The following ADGRV1 variants were observed in gnomAD, a reference collection of about 807,000 sequenced individuals.
The protein encoded by ADGRV1 is G-protein coupled receptor 98.
A neutral mutation model predicts 596.2 loss-of-function variants in ADGRV1; 359 were observed. The observed-to-expected ratio is 0.60, with a 90% CI of 0.55 to 0.66. The LOEUF is 0.66. Ranked by LOEUF, ADGRV1 falls within the 30% of genes least tolerant of loss-of-function variation. The pLI is 0.00. For missense variants in ADGRV1, 7,274 were observed against 7,575.6 expected (o/e 0.96, Z 1.48); for synonymous variants, 2,681 against 2,679.2 (o/e 1.00, Z -0.02).
intron 85 of ADGRV1, among the ~76,000 whole-genome samples, chr5:91,035,869 A>ATATATATATAATATATATAATATATATAT (rs1784863785): frequency 6.6e-5 from 8 of 120,508 alleles, no homozygotes; most frequent in African/African-American, 1.8e-4. Flanking sequence ...TATTATATAT[A>ATATATATATAATATATATAATATATATAT]TATATATATA....
chr5:91,035,260 C>T (rs1048128967), intron 85 of ADGRV1, among the ~76,000 whole-genome samples: 9 of 152,182 alleles, frequency 5.9e-5, no homozygotes, highest in African/African-American at 2.2e-4. Flanking sequence ...ATTTTCCTCA[C>T]TTTCTGTTGA....
intron 39 of ADGRV1, among the ~76,000 whole-genome samples, chr5:90,710,224 G>GT (rs1374067427): frequency 2.0e-5 from 3 of 152,050 alleles, no homozygotes; most frequent in Admixed American, 1.3e-4. Context: ...AATTTAAAAG[G>GT]TAAAGAACAA....
At chr5:90,988,728 C>T (rs1309797181) in intron 85 of ADGRV1, among the ~76,000 whole-genome samples, 2 of 151,286 alleles carry the variant, frequency 1.3e-5, no homozygotes, top group East Asian at 2.0e-4. Context: ...GCCATGTTGG[C>T]GTGCTGCACC....
At position 90,855,839 on chromosome 5, in the gene ADGRV1, G is replaced by A. The variant is rs745349202; in HGVS notation, c.17693G>A (p.Arg5898Gln). The change falls in exon 82 of 90, where the codon CGG (arginine) becomes CAG (glutamine). Residue 5898 changes from arginine to glutamine, a missense_variant. By Grantham distance (43) the Arg-to-Gln change is conservative. Around this residue, in one of 5 missense-constraint regions of ADGRV1, gnomAD observed 1,874 missense variants for 1,970.2 expected, o/e 0.95. Transcript: ENST00000405460. ...SHMSVYAVYA[R>Q]TDNLSSYNEA... is the part of the protein sequence containing the mutation. Reference sequence around the variant, plus strand: ...ATGTCTGTGTATGCTGTCTATGCTCGGACTGACAACTTGTCTTCATACAAT... The same window carrying A: ...ATGTCTGTGTATGCTGTCTATGCTCAGACTGACAACTTGTCTTCATACAAT... 11 of 1,612,966 alleles carry A rather than the reference G, an allele frequency of 6.8e-6. No homozygotes were observed. Among genetic ancestry groups the A allele is most frequent in the South Asian group, 4.4e-5 (4 of 90,988 alleles).
chr5:90,773,261 A>C (rs1757884035), intron 59 of ADGRV1, among the ~76,000 whole-genome samples: 1 of 152,088 alleles, frequency 6.6e-6, no homozygotes, highest in African/African-American at 2.4e-5. Flanking sequence ...GACACAGTGC[A>C]TTTTAGAGTG....
intron 85 of ADGRV1, among the ~76,000 whole-genome samples, chr5:91,004,094 C>T (rs1386807399): frequency 1.3e-5 from 2 of 152,022 alleles, no homozygotes; most frequent in Non-Finnish European, 2.9e-5. Context: ...AGCTTAAGTC[C>T]TATTTTGCTT....
At chr5:91,081,611 C>A (rs1289884271) in intron 86 of ADGRV1, among the ~76,000 whole-genome samples, 1 of 151,986 alleles carries the variant, frequency 6.6e-6, no homozygotes, top group African/African-American at 2.4e-5. Flanking sequence ...TAGTGTGAAA[C>A]CCCGTCTCTA....
chr5:90,925,508 T>G (rs1774341920), intron 83 of ADGRV1, among the ~76,000 whole-genome samples: 1 of 152,220 alleles, frequency 6.6e-6, no homozygotes, highest in South Asian at 2.1e-4. Context: ...CTGAAGTTGC[T>G]TATCAGCTTA....
At chr5:90,975,687 A>G (rs1779503743) in intron 84 of ADGRV1, among the ~76,000 whole-genome samples, 1 of 152,092 alleles carries the variant, frequency 6.6e-6, no homozygotes, top group Admixed American at 6.5e-5. Context: ...GGAACATCAC[A>G]CACCGGGGCC....
chr5:90,721,689 A>G (rs983889206), intron 45 of ADGRV1, among the ~76,000 whole-genome samples: 16 of 152,194 alleles, frequency 1.1e-4, no homozygotes, highest in African/African-American at 3.6e-4. Context: ...GTAAAAATCA[A>G]TGTATACTTT....
In ADGRV1 at chr5:90,805,448, C is replaced by A; in HGVS notation, c.14826C>A (p.Thr4942=). 6.3e-7 allele frequency: 1 copy of A among 1,582,628 alleles called. No individual in the cohort carries two copies. The stretch of plus-strand genomic sequence containing the variant: ...AATTCATTGTTGTTGGCAACATGAC[C>A]CCAACACTGGGTGAGTTGTAGTTTT... ...IPEFIVVGNM[T]PTLGSLSFSH... Residue 4942 remains threonine (T), a synonymous_variant, in exon 72 of 90, where the codon ACC becomes ACA. Transcript: ENST00000405460.
chr5:90,962,579 G>A (rs61130831), intron 83 of ADGRV1, among the ~76,000 whole-genome samples: 35,597 of 152,014 alleles, frequency 0.23, 6,865 homozygotes, highest in African/African-American at 0.51. Flanking sequence ...TTTTATTTCT[G>A]TCTTAAATTA....
At chr5:90,860,046 A>G (rs924321197) in intron 82 of ADGRV1, among the ~76,000 whole-genome samples, 2 of 151,908 alleles carry the variant, frequency 1.3e-5, no homozygotes, top group Non-Finnish European at 2.9e-5. Context: ...AGCTATGACC[A>G]TGCCATTGCA....
chr5:90,931,332 AG>A, intron 83 of ADGRV1: 1 of 152,342 alleles, frequency 6.6e-6, no homozygotes, highest in South Asian at 2.1e-4. Context: ...TTTAGGGCAA[AG>A]GGGTGATGTG....
chr5:90,645,784 A>G (rs1220371344), intron 15 of ADGRV1, among the ~76,000 whole-genome samples, 184 bp from the exon 16 acceptor site: 1 of 152,142 alleles, frequency 6.6e-6, no homozygotes, highest in Non-Finnish European at 1.5e-5. Flanking sequence ...AATGCACATG[A>G]AACTAATTTT....
rs5869522 is a variant in ADGRV1, at chr5:90,813,132, C to CAAAAA, written c.16078+1822_16078+1826dup. On this transcript the variant is annotated intron_variant, in intron 74 of 89. Transcript: ENST00000405460. ...TGGGCGACAGAGTAAGACTCCGTCT[C>CAAAAA]AAAAAAAAAAAAAAAAAAAAAAAAA... Among the ~76,000 whole-genome samples the CAAAAA allele has an allele frequency of 2.6e-3, 91 of 34,922 alleles. 11 individuals carry two copies. The highest frequency in any genetic ancestry group is 5.5e-3 in the African/African-American group (66 of 12,002). 22.9% of individuals were successfully genotyped at this position (34,922 alleles called of 152,430 possible).
chr5:90,627,773 C>T lies in ADGRV1; in HGVS notation c.1235C>T (p.Ser412Leu), dbSNP rs1466986050. 1 of 1,480,590 alleles carries T rather than the reference C, an allele frequency of 6.8e-7. No individual in the cohort carries two copies. The highest frequency in any genetic ancestry group is 2.3e-5 in the East Asian group (1 of 43,666). The allele number at this position is 1,480,590 out of a possible 1,614,324, so 91.7% of individuals were successfully genotyped here. The change falls in exon 7 of 90, where the codon TCA (serine) becomes TTA (leucine). Residue 412 changes from serine to leucine, a missense_variant. Physicochemically the swap from Ser to Leu is moderately radical, Grantham distance 145. This residue lies in a region of ADGRV1 where 1,715 missense variants were observed against 1,708.8 expected (regional missense o/e 1.00). Coordinates refer to ENST00000405460, the MANE Select transcript of ADGRV1 (RefSeq NM_032119.4). ...RTVIIDEDRI[S>L]RYEEITVVRN... is the part of the protein sequence containing the mutation. ...GTTATAATTGATGAAGATAGAATAT[C>T]AAGGTATGATTTATTTTAAATATAT...
chr5:90,854,750 G>T (rs1360555505), intron 81 of ADGRV1, among the ~76,000 whole-genome samples: 1 of 152,172 alleles, frequency 6.6e-6, no homozygotes, highest in Non-Finnish European at 1.5e-5. Context: ...AGTCAATGCT[G>T]CAGGATCAGG....
intron 50 of ADGRV1, among the ~76,000 whole-genome samples, chr5:90,740,853 C>T (rs1345078810): frequency 6.6e-6 from 1 of 152,172 alleles, no homozygotes; most frequent in African/African-American, 2.4e-5. Context: ...GTGTGCCGGA[C>T]TGTGCTGGCT....
Sources: allele counts gnomAD v4.1 joint callset (sites outside exome capture counted in the v4.1 genomes callset), GRCh38; gene constraint gnomAD v4.1.1; regional missense constraint gnomAD v4.1.1; transcripts MANE v1.5; gene names NCBI Gene and HGNC (gene_info 2026-07-23, HGNC 2026-07-21).